The following TBC1D9 variants were observed in gnomAD, a reference collection of about 807,000 sequenced individuals.
TBC1D9 encodes TBC1 domain family member 9, also known as TBC1 domain family member 9A.
A neutral mutation model predicts 132.0 loss-of-function variants in TBC1D9; 63 were observed. That is an observed-to-expected ratio of 0.48 (90% CI 0.39 to 0.59). The LOEUF (loss-of-function observed/expected upper bound fraction) is 0.59. Ranked by LOEUF, TBC1D9 falls within the 20% of genes least tolerant of loss-of-function variation. The pLI is 0.00. For synonymous variants in TBC1D9, 610 were observed against 609.9 expected, an observed-to-expected ratio of 1.00 and a Z score of 0.00; for missense variants, 1,261 against 1,592.7, an observed-to-expected ratio of 0.79 and a Z score of 3.54.
At chr4:140,630,729 C>G (rs1025633164) in intron 16 of TBC1D9, among the ~76,000 whole-genome samples, 2 of 152,122 alleles carry the variant, frequency 1.3e-5, no homozygotes, top group Admixed American at 1.3e-4. Flanking sequence ...CCTAACATAC[C>G]CTTGGCTATC....
intron 2 of TBC1D9, among the ~76,000 whole-genome samples, chr4:140,687,343 C>CAT (rs200090051): frequency 0.028 from 1,064 of 37,340 alleles, 35 homozygotes; most frequent in Non-Finnish European, 0.048. Context: ...GTGTGTGTGT[C>CAT]ATATATATAT....
intron 1 of TBC1D9, among the ~76,000 whole-genome samples, chr4:140,730,721 G>A (rs1044826182): frequency 1.3e-5 from 2 of 151,928 alleles, no homozygotes; most frequent in Non-Finnish European, 2.9e-5. Flanking sequence ...GCAAGACTCC[G>A]TCTCAAAAAA....
chr4:140,689,271 T>G (rs1250439463), intron 2 of TBC1D9, among the ~76,000 whole-genome samples: 1 of 152,130 alleles, frequency 6.6e-6, no homozygotes, highest in Non-Finnish European at 1.5e-5. Flanking sequence ...CACCAGGTAC[T>G]TTACTTTCAG....
At chr4:140,711,998 T>C (rs1297526441) in intron 1 of TBC1D9, among the ~76,000 whole-genome samples, 3 of 152,180 alleles carry the variant, frequency 2.0e-5, no homozygotes, top group Non-Finnish European at 4.4e-5. Context: ...TATAATTACC[T>C]CCAACCTTTT....
At chr4:140,693,258 A>T (rs1429257472) in intron 2 of TBC1D9, among the ~76,000 whole-genome samples, 1 of 152,268 alleles carries the variant, frequency 6.6e-6, no homozygotes, top group Admixed American at 6.5e-5. Flanking sequence ...GCCACTGCAC[A>T]CATCCAAAGT....
At chr4:140,631,009 T>A (rs1354603547) in intron 16 of TBC1D9, among the ~76,000 whole-genome samples, 1 of 152,220 alleles carries the variant, frequency 6.6e-6, no homozygotes, top group East Asian at 1.9e-4. Flanking sequence ...TCAGTTGAAA[T>A]GAACTTATTG....
At chr4:140,644,520 T>G in intron 13 of TBC1D9, 1 of 294,880 alleles carries the variant, frequency 3.4e-6, no homozygotes, top group Non-Finnish European at 6.5e-6. Flanking sequence ...CGCAGCAGCA[T>G]CCCAGGGCAA....
rs1361515906 is a variant in TBC1D9, at chr4:140,739,635, G to A, written c.130+16281C>T. On this transcript the variant is annotated intron_variant, in intron 1 of 20. Transcript: ENST00000442267. ...ATTTTAGCTCTTCTGTCTATATATT[G>A]TCTATGCTAATTATAAAATGAATTT... Among the ~76,000 whole-genome samples the A allele has an allele frequency of 4.6e-5, 7 of 152,136 alleles. 1 individual carries two copies. The highest frequency in any genetic ancestry group is 4.6e-4 in the Admixed American group (7 of 15,276).
At chr4:140,712,699 C>T (rs371806782) in intron 1 of TBC1D9, among the ~76,000 whole-genome samples, 49 of 151,360 alleles carry the variant, frequency 3.2e-4, no homozygotes, top group African/African-American at 1.1e-3. Context: ...GCCGAGATCA[C>T]GCCATTGTAC....
At chr4:140,678,706 C>G (rs1737661925) in intron 5 of TBC1D9, among the ~76,000 whole-genome samples, 4 of 152,152 alleles carry the variant, frequency 2.6e-5, no homozygotes, top group African/African-American at 9.7e-5. Context: ...ATGTGTGCAC[C>G]CACAGCACTG....
chr4:140,697,045 A>G (rs1578845205), intron 2 of TBC1D9, among the ~76,000 whole-genome samples: 1 of 152,334 alleles, frequency 6.6e-6, no homozygotes, highest in East Asian at 1.9e-4. Context: ...AAAAGGAGCC[A>G]GTAACTTGGA....
chr4:140,678,661 A>G (rs1279554563), intron 5 of TBC1D9, among the ~76,000 whole-genome samples: 2 of 151,008 alleles, frequency 1.3e-5, no homozygotes, highest in Admixed American at 1.3e-4. Flanking sequence ...TTTCTTACCC[A>G]CTCTTCCCCA....
chr4:140,670,560 C>T (rs1737519167), intron 7 of TBC1D9, 160 bp downstream of exon 7: 1 of 613,698 alleles, frequency 1.6e-6, no homozygotes, highest in African/African-American at 1.9e-5. Flanking sequence ...TCTATGACCC[C>T]AAATACAAAG....
chr4:140,745,711 A>G (rs1738826780), intron 1 of TBC1D9, among the ~76,000 whole-genome samples: 1 of 152,134 alleles, frequency 6.6e-6, no homozygotes, highest in Admixed American at 6.5e-5. Context: ...GGTTATTAGG[A>G]GTTAAGTTTT....
intron 13 of TBC1D9, chr4:140,645,218 C>G (rs1251723142): frequency 1.9e-6 from 1 of 538,834 alleles, no homozygotes; most frequent in Non-Finnish European, 3.7e-6. Flanking sequence ...GCAGCCATTA[C>G]TCCTGGTGTC....
intron 13 of TBC1D9, among the ~76,000 whole-genome samples, chr4:140,649,509 G>A (rs573966354): frequency 3.5e-4 from 53 of 152,184 alleles, no homozygotes; most frequent in Non-Finnish European, 6.3e-4. Context: ...ATGACTGGGT[G>A]AGAGAGGGAA....
intron 1 of TBC1D9, among the ~76,000 whole-genome samples, chr4:140,755,280 G>A (rs748305504): frequency 6.6e-6 from 1 of 152,184 alleles, no homozygotes; most frequent in Non-Finnish European, 1.5e-5. Flanking sequence ...AAGGGAGGGG[G>A]TTTAGGGAAG....
At chr4:140,631,872 C>T (rs1172900486) in intron 16 of TBC1D9, among the ~76,000 whole-genome samples, 1 of 152,204 alleles carries the variant, frequency 6.6e-6, no homozygotes, top group Non-Finnish European at 1.5e-5. Context: ...GCTGGGATGA[C>T]AGCCATGAGC....
At chr4:140,654,506 G>C (rs1472700049) in intron 13 of TBC1D9, among the ~76,000 whole-genome samples, 1 of 151,252 alleles carries the variant, frequency 6.6e-6, no homozygotes, top group African/African-American at 2.4e-5. Context: ...AAGAATAAAA[G>C]ATTGATCAGA....
Sources: allele counts gnomAD v4.1 joint callset (sites outside exome capture counted in the v4.1 genomes callset), GRCh38; gene constraint gnomAD v4.1.1; transcripts MANE v1.5; gene names NCBI Gene and HGNC (gene_info 2026-07-23, HGNC 2026-07-21).